Variants in PAK6 observed in about 807,000 individuals in gnomAD.
PAK6 encodes serine/threonine-protein kinase PAK 6.
A neutral mutation model predicts 60.8 loss-of-function variants in PAK6; 33 were observed. The ratio of observed to expected loss-of-function variants is 0.54; its 90% CI spans 0.41 to 0.73. The LOEUF is 0.73. PAK6 is among the 30% of genes least tolerant of loss of function. The probability of loss-of-function intolerance (pLI) is 0.00; values close to 1 mark genes in which losing one functional copy is unlikely to be tolerated. For missense variants in PAK6, 845 were observed against 904.1 expected (o/e 0.93, Z 0.84); for synonymous variants, 404 against 378.5 (o/e 1.07, Z -0.78).
intron 2 of PAK6, among the ~76,000 whole-genome samples, chr15:40,243,349 C>G (rs1218504159): frequency 6.6e-6 from 1 of 152,156 alleles, no homozygotes; most frequent in Non-Finnish European, 1.5e-5. Context: ...AGGCCCGGTG[C>G]TGCCTCTTCC....
At chr15:40,257,687 C>T (rs1262358691) in intron 3 of PAK6, among the ~76,000 whole-genome samples, 1 of 152,204 alleles carries the variant, frequency 6.6e-6, no homozygotes, top group Admixed American at 6.5e-5. Flanking sequence ...GGCAGGCATC[C>T]TCTGTAGTGC....
At chr15:40,245,766 G>A (rs919769588) in intron 2 of PAK6, 1 of 152,374 alleles carries the variant, frequency 6.6e-6, no homozygotes, top group Non-Finnish European at 1.5e-5. Flanking sequence ...GGCAGAGTCA[G>A]TTTCCAGCCC....
At chr15:40,253,028 G>A in intron 2 of PAK6, 150 bp from the exon 3 acceptor site, 3 of 399,906 alleles carry the variant, frequency 7.5e-6, no homozygotes, top group Non-Finnish European at 1.4e-5. Context: ...AGCCCCGCAA[G>A]GAGCCTGCCG....
intron 2 of PAK6, 149 bp downstream of exon 2, chr15:40,240,830 T>C (rs1255236646): frequency 1.5e-5 from 5 of 329,880 alleles, no homozygotes; most frequent in Admixed American, 4.1e-5. Flanking sequence ...CCACCCGGCC[T>C]GCCACCTTCT....
rs747849699 is a variant in PAK6, at chr15:40,273,692, AC to A, written c.1743+22del. On this transcript the variant is annotated intron_variant, in intron 9 of 10. Coordinates refer to ENST00000560346, the Ensembl canonical transcript of PAK6. ...TGCCACTGAGGTAACCGTTCCCTCC[AC>A]CCCCCAGACCTCCCAAAAGCAACTT... 1 of 1,607,482 alleles carries A rather than the reference AC, an allele frequency of 6.2e-7. No homozygotes were observed. The highest frequency in any genetic ancestry group is 8.5e-7 in the Non-Finnish European group (1 of 1,176,216).
chr15:40,270,897 G>A (rs1300246760), intron 5 of PAK6, among the ~76,000 whole-genome samples: 1 of 152,216 alleles, frequency 6.6e-6, no homozygotes, highest in African/African-American at 2.4e-5. Flanking sequence ...GCTGCGGGGG[G>A]TCGGGGAAGG....
chr15:40,242,948 G>A (rs917996322), intron 2 of PAK6, among the ~76,000 whole-genome samples: 1 of 152,136 alleles, frequency 6.6e-6, no homozygotes, highest in Non-Finnish European at 1.5e-5. Flanking sequence ...CTTGCCCTGG[G>A]GATGCTCATA....
intron 5 of PAK6, among the ~76,000 whole-genome samples, chr15:40,269,450 G>A (rs1175859159): frequency 6.6e-6 from 1 of 152,240 alleles, no homozygotes; most frequent in Non-Finnish European, 1.5e-5. Context: ...GTAAATGTAT[G>A]CATGACTCTT....
At chr15:40,247,271 C>A (rs1461799614) in intron 2 of PAK6, 1 of 152,282 alleles carries the variant, frequency 6.6e-6, no homozygotes, top group Non-Finnish European at 1.5e-5. Flanking sequence ...AGCTAAACTG[C>A]CAGCAAAAGA....
exon 5 of PAK6, chr15:40,266,262 C>T (rs1391097596): frequency 1.2e-6 from 2 of 1,611,036 alleles, no homozygotes; most frequent in Non-Finnish European, 1.7e-6. Flanking sequence ...AGCCTCGCCC[C>T]CCACGGGCAC....
chr15:40,266,150 TG>T lies in PAK6; in HGVS notation c.516del (p.Leu173TrpfsTer45). On this transcript the variant is annotated frameshift_variant, in exon 5 of 11. Coordinates refer to ENST00000560346, the Ensembl canonical transcript of PAK6. LOFTEE classifies it high-confidence loss of function. ...CACAGAGCCCACGGGTCCTGCCCAA[TG>T]GGCTGGCTGCAAAGGCACAGTCCCT... 1 of 1,609,282 alleles carries T rather than the reference TG, an allele frequency of 6.2e-7. No individual in the cohort carries two copies. The highest frequency in any genetic ancestry group is 8.5e-7 in the Non-Finnish European group (1 of 1,179,722).
intron 3 of PAK6, among the ~76,000 whole-genome samples, chr15:40,260,594 T>C (rs964975178): frequency 6.6e-6 from 1 of 152,232 alleles, no homozygotes; most frequent in African/African-American, 2.4e-5. Flanking sequence ...TCCAACTTCG[T>C]TCATTAAGAT....
At chr15:40,261,519 A>T (rs1413494025) in intron 3 of PAK6, among the ~76,000 whole-genome samples, 1 of 152,098 alleles carries the variant, frequency 6.6e-6, no homozygotes, top group Non-Finnish European at 1.5e-5. Flanking sequence ...CCCGGGCAAG[A>T]CAGCGAGACT....
At chr15:40,248,205 T>C (rs1453091167) in intron 2 of PAK6, among the ~76,000 whole-genome samples, 1 of 152,104 alleles carries the variant, frequency 6.6e-6, no homozygotes, top group Non-Finnish European at 1.5e-5. Context: ...GGCCTGGCAG[T>C]GTCAGCTCCC....
At chr15:40,241,927 G>A (rs2038361972) in intron 2 of PAK6, among the ~76,000 whole-genome samples, 1 of 152,236 alleles carries the variant, frequency 6.6e-6, no homozygotes, top group Non-Finnish European at 1.5e-5. Context: ...TGGATGAGGA[G>A]AATGACCCAG....
chr15:40,276,806 C>T (rs1193715136), exon 11 of PAK6: 2 of 115,122 alleles, frequency 1.7e-5, no homozygotes, highest in Non-Finnish European at 3.8e-5. Flanking sequence ...AGGAAAGCCA[C>T]CTTGACAGCC....
intron 2 of PAK6, among the ~76,000 whole-genome samples, chr15:40,250,260 T>A (rs1478073956): frequency 1.3e-5 from 2 of 152,076 alleles, no homozygotes; most frequent in African/African-American, 4.8e-5. Context: ...GATGATTCAG[T>A]GTGTATCCCC....
chr15:40,266,678 C>A (rs565288839), intron 5 of PAK6, 183 bp downstream of exon 5: 372 of 521,626 alleles, frequency 7.1e-4, no homozygotes, highest in Middle Eastern at 1.4e-3. Context: ...CCTTCCCTCC[C>A]TTCCTTTCCT....
chr15:40,262,509 AAAC>A (rs146960601), intron 3 of PAK6, among the ~76,000 whole-genome samples: 21,023 of 149,928 alleles, frequency 0.14, 1,955 homozygotes, highest in African/African-American at 0.26. Context: ...TCCTTCTCAA[AAAC>A]AACAACAACA....
Sources: allele counts gnomAD v4.1 joint callset (sites outside exome capture counted in the v4.1 genomes callset), GRCh38; gene constraint gnomAD v4.1.1; transcripts MANE v1.5; gene names NCBI Gene and HGNC (gene_info 2026-07-23, HGNC 2026-07-21).